OTOP1: variants seen among roughly 807,000 people sequenced by gnomAD.
OTOP1 encodes the protein proton channel OTOP1.
OTOP1 carries 59 observed loss-of-function variants against 52.9 expected under a neutral mutation model. The ratio of observed to expected loss-of-function variants is 1.12; its 90% CI spans 0.91 to 1.39. The LOEUF is 1.39. OTOP1 is among the 40% of genes most tolerant of loss of function. The pLI, the probability that OTOP1 is intolerant of heterozygous loss-of-function variation, is 0.00. For synonymous variants in OTOP1, 317 were observed against 337.7 expected (o/e 0.94, Z 0.67); for missense variants, 761 against 800.9 (o/e 0.95, Z 0.60).
intron 1 of OTOP1, among the ~76,000 whole-genome samples, chr4:4,226,259 A>G (rs1338357199): frequency 4.0e-5 from 6 of 151,370 alleles, no homozygotes; most frequent in Admixed American, 2.6e-4. Context: ...GGAGGCGGAG[A>G]GGAGGCTCCT....
At chr4:4,209,985 G>A (rs1282469844) in intron 2 of OTOP1, among the ~76,000 whole-genome samples, 1 of 151,992 alleles carries the variant, frequency 6.6e-6, no homozygotes, top group Non-Finnish European at 1.5e-5. Flanking sequence ...GGCAGAAATC[G>A]ACCCTCACCC....
At chr4:4,192,064 T>C (rs1488564212) in intron 5 of OTOP1, among the ~76,000 whole-genome samples, 2 of 152,222 alleles carry the variant, frequency 1.3e-5, no homozygotes, top group Non-Finnish European at 2.9e-5. Context: ...AACTCTTTCC[T>C]TGAATCTAGA....
chr4:4,210,364 T>C (rs1247740238), intron 2 of OTOP1, among the ~76,000 whole-genome samples: 1 of 152,192 alleles, frequency 6.6e-6, no homozygotes, highest in East Asian at 1.9e-4. Context: ...CCACAGACCA[T>C]CAGCTTCAAT....
intron 1 of OTOP1, among the ~76,000 whole-genome samples, chr4:4,215,386 G>A (rs1016013300): frequency 6.6e-6 from 1 of 152,196 alleles, no homozygotes; most frequent in African/African-American, 2.4e-5. Context: ...AGCTGGCTGG[G>A]TGCAGTGGCT....
rs774947567 is a variant in OTOP1 at position 4,198,084 on chromosome 4, C to A, written c.750G>T (p.Pro250=). The part of the protein sequence containing the change: ...NITTVLDDHT[P]QCNCTPPTLC... Reference sequence around the variant, plus strand: ...GAGTTGGGGGCGTGCAGTTACACTGCGGTGTGTGGTCATCTAAAACTAGGG... The same window carrying A: ...GAGTTGGGGGCGTGCAGTTACACTGAGGTGTGTGGTCATCTAAAACTAGGG... The change falls in exon 5 of 6, where the codon CCG becomes CCT. Residue 250 remains proline (P), a synonymous_variant. Coordinates refer to ENST00000296358, the MANE Select transcript of OTOP1 (RefSeq NM_177998.3). The A allele has an allele frequency of 3.1e-6, 5 of 1,613,346 alleles. No individual in the cohort carries two copies. The highest frequency in any genetic ancestry group is 1.1e-5 in the South Asian group (1 of 91,064).
chr4:4,216,575 T>C (rs1433022856), intron 1 of OTOP1, among the ~76,000 whole-genome samples: 1 of 152,200 alleles, frequency 6.6e-6, no homozygotes, highest in East Asian at 1.9e-4. Context: ...TTTCCACTGC[T>C]CAAAGCCTTA....
chr4:4,199,233 T>TGTGTGTGTGTGTGTGTGTGA (rs1212354837), intron 4 of OTOP1, among the ~76,000 whole-genome samples: 28 of 98,562 alleles, frequency 2.8e-4, no homozygotes, highest in African/African-American at 1.2e-3. Flanking sequence ...TGTGTGTGTG[T>TGTGTGTGTGTGTGTGTGTGA]GAGAGAGAGA....
chr4:4,199,416 G>C (rs1221553643), intron 4 of OTOP1, among the ~76,000 whole-genome samples: 4 of 151,634 alleles, frequency 2.6e-5, no homozygotes, highest in Non-Finnish European at 4.4e-5. Context: ...TTTTTGTTTT[G>C]TGTTTTGTTT....
chr4:4,213,043 T>C (rs375641859), intron 1 of OTOP1, 39 bp from the exon 2 acceptor site: 4 of 1,603,616 alleles, frequency 2.5e-6, no homozygotes, highest in East Asian at 2.2e-5. Context: ...AACACACACA[T>C]TGCATTAACA....
chr4:4,218,907 T>C (rs112844647), intron 1 of OTOP1, among the ~76,000 whole-genome samples: 2 of 150,802 alleles, frequency 1.3e-5, no homozygotes, highest in African/African-American at 2.4e-5. Flanking sequence ...CCAGCCTGGG[T>C]AACAAAGCGA....
chr4:4,191,641 G>A (rs566899571), intron 5 of OTOP1, among the ~76,000 whole-genome samples: 1 of 152,144 alleles, frequency 6.6e-6, no homozygotes, highest in Non-Finnish European at 1.5e-5. Flanking sequence ...ACCCTTCAGC[G>A]AGGCCTTCTC....
chr4:4,214,830 CAG>C (rs1215054083), intron 1 of OTOP1, among the ~76,000 whole-genome samples: 1 of 152,062 alleles, frequency 6.6e-6, no homozygotes, highest in African/African-American at 2.4e-5. Context: ...TTAATGAGGA[CAG>C]AGTTTCAGTT....
intron 1 of OTOP1, among the ~76,000 whole-genome samples, chr4:4,219,040 G>T (rs1444536988): frequency 6.6e-6 from 1 of 152,042 alleles, no homozygotes; most frequent in East Asian, 1.9e-4. Flanking sequence ...CTCAAAAAAG[G>T]CAAACATGTG....
At chr4:4,208,835 G>A (rs1184414613) in intron 2 of OTOP1, among the ~76,000 whole-genome samples, 1 of 152,020 alleles carries the variant, frequency 6.6e-6, no homozygotes, top group Admixed American at 6.6e-5. Flanking sequence ...GGATTTACTT[G>A]GAAATAGAAA....
chr4:4,218,915 C>A (rs111890922), intron 1 of OTOP1, among the ~76,000 whole-genome samples: 3 of 150,760 alleles, frequency 2.0e-5, no homozygotes, highest in Non-Finnish European at 4.4e-5. Context: ...GGTAACAAAG[C>A]GAGACTCCGT....
At chr4:4,200,007 C>G (rs181580424) in intron 4 of OTOP1, among the ~76,000 whole-genome samples, 3 of 152,148 alleles carry the variant, frequency 2.0e-5, no homozygotes, top group Non-Finnish European at 4.4e-5. Context: ...AATGTAAAAT[C>G]TGTCTCTTGT....
chr4:4,197,072 T>C, intron 5 of OTOP1, 94 bp downstream of exon 5: 1 of 1,291,010 alleles, frequency 7.7e-7, no homozygotes, highest in Admixed American at 2.2e-5. Flanking sequence ...ACACGCAATT[T>C]ACCCATTTAA....
chr4:4,190,871 G>T (rs148830747), intron 5 of OTOP1, among the ~76,000 whole-genome samples: 1 of 152,028 alleles, frequency 6.6e-6, no homozygotes, highest in South Asian at 2.1e-4. Context: ...GTTGGCCAGC[G>T]TCCAGGGATC....
At chr4:4,219,767 T>C (rs1717235615) in intron 1 of OTOP1, among the ~76,000 whole-genome samples, 1 of 149,240 alleles carries the variant, frequency 6.7e-6, no homozygotes, top group Non-Finnish European at 1.5e-5. Flanking sequence ...AAACAGTTTT[T>C]GCTTTATATA....
Sources: allele counts gnomAD v4.1 joint callset (sites outside exome capture counted in the v4.1 genomes callset), GRCh38; gene constraint gnomAD v4.1.1; transcripts MANE v1.5; gene names NCBI Gene and HGNC (gene_info 2026-07-23, HGNC 2026-07-21).